The following RIGI variants were observed in gnomAD, a reference collection of about 807,000 sequenced individuals.
RIGI encodes the protein antiviral innate immune response receptor RIG-I.
the RIGI span, among the ~76,000 whole-genome samples, chr9:32,489,998 T>C: frequency 4.6e-5 from 7 of 152,248 alleles, no homozygotes; most frequent in Non-Finnish European, 1.5e-5. Context: ...GCAAAGACTT[T>C]GGAAATTATC....
the RIGI span, among the ~76,000 whole-genome samples, chr9:32,457,660 AAAG>A: frequency 8.5e-5 from 13 of 152,158 alleles, no homozygotes; most frequent in African/African-American, 2.4e-4. Flanking sequence ...GGCACCTCAT[AAAG>A]AAGAAGATTA....
At chr9:32,467,409 G>A in the RIGI span, among the ~76,000 whole-genome samples, 3 of 152,292 alleles carry the variant, frequency 2.0e-5, no homozygotes, top group East Asian at 5.8e-4. Context: ...AGGTGGGGCA[G>A]AACAACTCTG....
the RIGI span, among the ~76,000 whole-genome samples, chr9:32,474,723 C>T: frequency 1.2e-3 from 184 of 152,294 alleles, no homozygotes; most frequent in African/African-American, 3.7e-3. Flanking sequence ...GAGAGATCTT[C>T]AGCCGGAAAC....
At chr9:32,460,292 A>G in the RIGI span, among the ~76,000 whole-genome samples, 1 of 152,070 alleles carries the variant, frequency 6.6e-6, no homozygotes, top group South Asian at 2.1e-4. Context: ...AAACAGACTA[A>G]TACAGCCCCC....
chr9:32,498,202 A>T, the RIGI span: 1 of 446,524 alleles, frequency 2.2e-6, no homozygotes, highest in South Asian at 1.6e-5. Context: ...GAGAGTTTTC[A>T]TGTCCTCTGC....
chr9:32,492,832 A>G, the RIGI span, among the ~76,000 whole-genome samples: 1 of 152,204 alleles, frequency 6.6e-6, no homozygotes, highest in African/African-American at 2.4e-5. Flanking sequence ...ATCATTTGAC[A>G]ACCATTCCCA....
the RIGI span, among the ~76,000 whole-genome samples, chr9:32,508,258 T>TTTTTTTTTTTTTTTTTTTTTTTTTC: frequency 7.2e-6 from 1 of 137,998 alleles, no homozygotes; most frequent in Non-Finnish European, 1.5e-5. Flanking sequence ...TTTTTTTTTT[T>TTTTTTTTTTTTTTTTTTTTTTTTTC]ACTATATGAA....
the RIGI span, among the ~76,000 whole-genome samples, chr9:32,502,699 C>T: frequency 0.014 from 2,176 of 152,270 alleles, 22 homozygotes; most frequent in Admixed American, 0.023. Flanking sequence ...GAATGCATTC[C>T]TTGCCCTTCC....
At chr9:32,500,980 T>G in the RIGI span, 1 of 1,601,218 alleles carries the variant, frequency 6.2e-7, no homozygotes, top group Non-Finnish European at 8.5e-7. Flanking sequence ...ACTGCAGAAC[T>G]ATTAATCATT....
the RIGI span, among the ~76,000 whole-genome samples, chr9:32,478,503 T>C: frequency 6.6e-6 from 1 of 152,234 alleles, no homozygotes; most frequent in African/African-American, 2.4e-5. Context: ...TGGAATTCAC[T>C]ACAGTGGGAG....
the RIGI span, chr9:32,488,033 TG>T: frequency 6.2e-7 from 1 of 1,614,120 alleles, no homozygotes; most frequent in Non-Finnish European, 8.5e-7. Flanking sequence ...ACTAGTGTTG[TG>T]GCATTCATCA....
the RIGI span, among the ~76,000 whole-genome samples, chr9:32,496,910 TTGTC>T: frequency 6.6e-6 from 1 of 152,162 alleles, no homozygotes; most frequent in African/African-American, 2.4e-5. Flanking sequence ...TTTGGCCTAT[TTGTC>T]TGTCTTTATG....
the RIGI span, chr9:32,487,871 G>C: frequency 6.6e-7 from 1 of 1,522,406 alleles, no homozygotes. Context: ...TCTTCAGTGT[G>C]GCCATAAGAG....
the RIGI span, among the ~76,000 whole-genome samples, chr9:32,515,064 T>A: frequency 9.2e-5 from 14 of 152,210 alleles, no homozygotes; most frequent in Non-Finnish European, 1.8e-4. Context: ...TGCAGAGAAG[T>A]CAGAGACCAA....
At chr9:32,479,898 A>G in the RIGI span, among the ~76,000 whole-genome samples, 1 of 146,086 alleles carries the variant, frequency 6.8e-6, no homozygotes, top group Non-Finnish European at 1.5e-5. Context: ...ACACTTTTTC[A>G]TATTTTTAAA....
At chr9:32,503,354 A>G in the RIGI span, among the ~76,000 whole-genome samples, 1 of 152,126 alleles carries the variant, frequency 6.6e-6, no homozygotes, top group African/African-American at 2.4e-5. Context: ...GCTACAGAGT[A>G]GTGACAATTT....
the RIGI span, among the ~76,000 whole-genome samples, chr9:32,517,539 T>C: frequency 4.0e-4 from 61 of 152,352 alleles, no homozygotes; most frequent in African/African-American, 1.5e-3. Flanking sequence ...TTTAAAATTA[T>C]TGGTAAAATA....
At chr9:32,497,278 T>C in the RIGI span, among the ~76,000 whole-genome samples, 4 of 152,212 alleles carry the variant, frequency 2.6e-5, no homozygotes, top group East Asian at 7.7e-4. Context: ...TCTTCCTAAG[T>C]ATTTTAATCT....
At chr9:32,482,399 G>A in the RIGI span, among the ~76,000 whole-genome samples, 3 of 152,156 alleles carry the variant, frequency 2.0e-5, no homozygotes, top group South Asian at 4.1e-4. Flanking sequence ...GAAAGGGCAG[G>A]AATTCAAACC....
Sources: gnomAD v4.1 joint callset for allele counts (sites outside exome capture counted in the v4.1 genomes callset) on GRCh38, gnomAD v4.1.1 for gene constraint, MANE v1.5 for transcripts, NCBI Gene and HGNC (gene_info 2026-07-23, HGNC 2026-07-21) for gene names.